ZNF696: variants seen among roughly 807,000 people sequenced by gnomAD.
The protein encoded by ZNF696 is zinc finger protein 696.
In ZNF696, 10 loss-of-function variants were observed where a neutral mutation model predicts 12.3. The ratio of observed to expected loss-of-function variants is 0.81; its 90% CI spans 0.50 to 1.38. The LOEUF (loss-of-function observed/expected upper bound fraction) is 1.38, where lower values mean the gene tolerates loss of function less well. Among genes scored for constraint, ZNF696 ranks in the 40% most tolerant of loss-of-function variants. The probability of loss-of-function intolerance (pLI) is 0.00; values close to 1 mark genes in which losing one functional copy is unlikely to be tolerated. For synonymous variants in ZNF696, 304 were observed against 243.9 expected, an observed-to-expected ratio of 1.25 and a Z score of -2.29; for missense variants, 675 against 554.7, an observed-to-expected ratio of 1.22 and a Z score of -2.18.
Position 143,298,559 on chromosome 8 carries a change from A to G in ZNF696, c.*1759A>G, listed in dbSNP as rs978596877. 6.6e-6 allele frequency among the ~76,000 whole-genome samples: 1 copy of G among 152,114 alleles called. No individual in the cohort carries two copies. The highest frequency in any genetic ancestry group is 2.4e-5 in the African/African-American group (1 of 41,432). On this transcript the variant is annotated 3_prime_UTR_variant, in exon 3 of 3. Coordinates refer to ENST00000330143, the MANE Select transcript of ZNF696 (RefSeq NM_030895.3). ...GCTTGCAAAGATCCCCAAGCACACA[A>G]GGAGAGTCAGCTGACTGAGGGCCAA...
intron 2 of ZNF696, chr8:143,295,461 G>A (rs1021859557): frequency 7.5e-6 from 5 of 666,030 alleles, no homozygotes; most frequent in African/African-American, 3.5e-5. Context: ...CTGAAAGTGC[G>A]GAGATACAGG....
At position 143,298,026 on chromosome 8, in the gene ZNF696, T is replaced by C. The variant is rs1815749310; in HGVS notation, c.*1226T>C. The C allele has an allele frequency of 6.6e-6, 1 of 152,092 alleles. No individual in the cohort carries two copies. The highest frequency in any genetic ancestry group is 1.5e-5 in the Non-Finnish European group (1 of 68,016). 9.4% of individuals were successfully genotyped at this position (152,092 alleles called of 1,614,324 possible). A position where few individuals can be genotyped will look rare whatever the true frequency, so the allele number is the denominator to read the frequency against. On this transcript the variant is annotated 3_prime_UTR_variant, in exon 3 of 3. Coordinates refer to ENST00000330143, the MANE Select transcript of ZNF696 (RefSeq NM_030895.3). Reference sequence around the variant, plus strand: ...GTAGAAGTGTCTCTTTGGGGAGCGTTTTTGGGGGCGTATAGTAAAGCTCTG... The same window carrying C: ...GTAGAAGTGTCTCTTTGGGGAGCGTCTTTGGGGGCGTATAGTAAAGCTCTG...
chr8:143,293,277 A>G, intron 2 of ZNF696: 1 of 581,604 alleles, frequency 1.7e-6, no homozygotes, highest in Non-Finnish European at 3.0e-6. Flanking sequence ...TTTTGGTTAG[A>G]AAGTCTGGCA....
chr8:143,296,420 A>G lies in ZNF696; in HGVS notation c.745A>G (p.Ser249Gly), dbSNP rs1815716202. 1 of 1,601,370 alleles carries G rather than the reference A, an allele frequency of 6.2e-7. No individual in the cohort carries two copies. ...CGAGTGCGGGAAGCGCTTCCTGCACAGCTCGAACGTGGTCCGGCACCGGCG... is the reference window on the plus strand; with the variant it reads ...CGAGTGCGGGAAGCGCTTCCTGCACGGCTCGAACGTGGTCCGGCACCGGCG... ...CGECGKRFLH[S>G]SNVVRHRRTH... The change falls in exon 3 of 3, where the codon AGC (serine) becomes GGC (glycine). Residue 249 changes from serine to glycine, a missense_variant. By Grantham distance (56) the Ser-to-Gly change is moderately conservative. Transcript: ENST00000330143.
chr8:143,295,562 TG>T, intron 2 of ZNF696, 177 bp from the exon 3 acceptor site: 2 of 689,238 alleles, frequency 2.9e-6, no homozygotes, highest in Non-Finnish European at 4.9e-6. Flanking sequence ...GTTAAGAAGG[TG>T]GGGAGGAGAA....
intron 2 of ZNF696, 114 bp from the exon 3 acceptor site, chr8:143,295,626 G>C: frequency 8.3e-7 from 1 of 1,201,332 alleles, no homozygotes. Flanking sequence ...AAAGGTGTCT[G>C]TGGCACACTG....
At position 143,295,597 on chromosome 8, in the gene ZNF696, G is replaced by A. The variant is rs538981723; in HGVS notation, c.65-143G>A. On this transcript the variant is annotated intron_variant, in intron 2 of 2. Coordinates refer to ENST00000330143, the MANE Select transcript of ZNF696 (RefSeq NM_030895.3). ...AAAAAAACTAAAAAAAACGAGGCGG[G>A]AACTGAATGGGCAAAATCAAAGGTG... 9.5e-6 allele frequency: 9 copies of A among 949,312 alleles called. No homozygotes were observed. In the Admixed American group the frequency reaches 1.8e-4, roughly 19 times the overall value. 58.8% of individuals were successfully genotyped at this position (949,312 alleles called of 1,614,324 possible). A position where few individuals can be genotyped will look rare whatever the true frequency, so the allele number is the denominator to read the frequency against.
At chr8:143,294,040 G>A (rs1349023838) in intron 2 of ZNF696, among the ~76,000 whole-genome samples, 1 of 152,138 alleles carries the variant, frequency 6.6e-6, no homozygotes, top group Non-Finnish European at 1.5e-5. Flanking sequence ...CGGACTGCCT[G>A]CAGACTGAGA....
chr8:143,295,514 G>A, intron 2 of ZNF696: 1 of 695,682 alleles, frequency 1.4e-6, no homozygotes, highest in East Asian at 2.7e-5. Context: ...TTTCTGGAGT[G>A]GCAGTGCAGG....
chr8:143,295,673 T>C (rs1815695832), intron 2 of ZNF696, 67 bp from the exon 3 acceptor site: 1 of 1,453,196 alleles, frequency 6.9e-7, no homozygotes, highest in African/African-American at 1.4e-5. Context: ...TCACCACGAT[T>C]GCCAGAGCCA....
intron 2 of ZNF696, among the ~76,000 whole-genome samples, chr8:143,294,782 A>G (rs1183844124): frequency 2.6e-5 from 4 of 152,020 alleles, no homozygotes; most frequent in South Asian, 2.1e-4. Flanking sequence ...AGGGAGTCCA[A>G]GGTAAAAGGA....
Position 143,297,481 on chromosome 8 carries a change from T to C in ZNF696, c.*681T>C, listed in dbSNP as rs1815741365. The C allele has an allele frequency of 6.6e-6, 1 of 152,182 alleles. No individual in the cohort carries two copies. Among genetic ancestry groups the C allele is most frequent in the South Asian group, 2.1e-4 (1 of 4,824 alleles). The allele number at this position is 152,182 out of a possible 1,614,324, so 9.4% of individuals were successfully genotyped here. ...TGGCCAACATGGCAAAACCCCCATC[T>C]CGACTAAAAATACAAAAAATTAATT... On this transcript the variant is annotated 3_prime_UTR_variant, in exon 3 of 3. Coordinates refer to ENST00000330143, the MANE Select transcript of ZNF696 (RefSeq NM_030895.3).
Position 143,296,275 on chromosome 8 carries a change from GCGCGTGCACACGGGCGAGAAGCCCTA to G in ZNF696, c.608_633del (p.His203ArgfsTer288). ...AGAGCTTCAACCTCCTCCGGCACCAGCGCGTGCACACGGGCGAGAAGCCCTACGCGTGCGCCGACTGCGGCAAGGCC... is the reference window on the plus strand; with the variant it reads ...AGAGCTTCAACCTCCTCCGGCACCAGCGCGTGCGCCGACTGCGGCAAGGCC... On this transcript the variant is annotated frameshift_variant, in exon 3 of 3. Transcript: ENST00000330143. LOFTEE classifies it high-confidence loss of function. 1 of 1,599,390 alleles carries G rather than the reference GCGCGTGCACACGGGCGAGAAGCCCTA, an allele frequency of 6.3e-7. No homozygotes were observed. The highest frequency in any genetic ancestry group is 8.5e-7 in the Non-Finnish European group (1 of 1,176,374).
In ZNF696 at chr8:143,295,722, G is replaced by A. The variant is rs1331685537; in HGVS notation, c.65-18G>A. ...TTCTCTTACATCTAAAATCGTTCCTGTCTGGCCTCTTTTTCAGCTGTGAAG... is the reference window on the plus strand; with the variant it reads ...TTCTCTTACATCTAAAATCGTTCCTATCTGGCCTCTTTTTCAGCTGTGAAG... On this transcript the variant is annotated intron_variant, in intron 2 of 2. Coordinates refer to ENST00000330143, the MANE Select transcript of ZNF696 (RefSeq NM_030895.3). The A allele has an allele frequency of 6.4e-7, 1 of 1,554,638 alleles. No individual in the cohort carries two copies. The highest frequency in any genetic ancestry group is 1.2e-5 in the South Asian group (1 of 83,192).
chr8:143,291,618 C>G lies in ZNF696; in HGVS notation c.-180C>G. The G allele has an allele frequency of 1.0e-6, 1 of 985,442 alleles. No homozygotes were observed. The highest frequency in any genetic ancestry group is 1.2e-6 in the Non-Finnish European group (1 of 829,934). 61.0% of individuals were successfully genotyped at this position (985,442 alleles called of 1,614,324 possible). ...GGGGAGGCGGCCCTGCAGGTGCGTACCCGGGGTCCGACACGTGCGGGGCTT... is the reference window on the plus strand; with the variant it reads ...GGGGAGGCGGCCCTGCAGGTGCGTAGCCGGGGTCCGACACGTGCGGGGCTT... On this transcript the variant is annotated 5_prime_UTR_variant, in exon 1 of 3. Coordinates refer to ENST00000330143, the MANE Select transcript of ZNF696 (RefSeq NM_030895.3).
In ZNF696 at chr8:143,291,530, G is replaced by A; in HGVS notation, c.-268G>A. The A allele has an allele frequency of 2.0e-6, 2 of 984,504 alleles. No homozygotes were observed. The highest frequency in any genetic ancestry group is 4.7e-5 in the South Asian group (1 of 21,266). 61.0% of individuals were successfully genotyped at this position (984,504 alleles called of 1,614,324 possible). ...AGAGAACGGGGCGGTCACCGCCGCC[G>A]TGGCCCGCGCGTCCCGCGCTCTCCT... is the stretch of plus-strand genomic sequence containing the variant. On this transcript the variant is annotated 5_prime_UTR_variant, in exon 1 of 3. It adds an upstream start codon to the 5' untranslated region. Coordinates refer to ENST00000330143, the MANE Select transcript of ZNF696 (RefSeq NM_030895.3).
rs925579618 is a variant in ZNF696, at chr8:143,299,452, C to T, written c.*2652C>T. ...AAGAGTGTAACCAGTCTATACATCT[C>T]TAATCCAATAAAAAGAATAAAACAC... On this transcript the variant is annotated 3_prime_UTR_variant, in exon 3 of 3. Transcript: ENST00000330143. Among the ~76,000 whole-genome samples, 1 of 152,102 alleles carries T rather than the reference C, an allele frequency of 6.6e-6. No homozygotes were observed. Among genetic ancestry groups the T allele is most frequent in the Non-Finnish European group, 1.5e-5 (1 of 67,998 alleles).
rs763590560 is a variant in ZNF696, at chr8:143,296,688, G to A, written c.1013G>A (p.Arg338Gln). 2.7e-5 allele frequency: 43 copies of A among 1,566,448 alleles called. No individual in the cohort carries two copies. The highest frequency in any genetic ancestry group is 3.5e-5 in the Non-Finnish European group (41 of 1,163,894). Reference sequence around the variant, plus strand: ...TTCCGGGCGCTGTCGGGCTTCTTCCGGCACCAGCGACTCCACACGGGCGAG... The same window carrying A: ...TTCCGGGCGCTGTCGGGCTTCTTCCAGCACCAGCGACTCCACACGGGCGAG... ...RAFRALSGFF[R>Q]HQRLHTGEKP... Residue 338 changes from arginine (R) to glutamine (Q), a missense_variant, in exon 3 of 3, where the codon CGG becomes CAG. Physicochemically the swap from Arg to Gln is conservative, Grantham distance 43. Transcript: ENST00000330143.
chr8:143,298,786 C>T lies in ZNF696; in HGVS notation c.*1986C>T, dbSNP rs191674079. Among the ~76,000 whole-genome samples, 150 of 152,286 alleles carry T rather than the reference C, an allele frequency of 9.8e-4. No individual in the cohort carries two copies. Among genetic ancestry groups the T allele is most frequent in the Middle Eastern group, 3.4e-3 (1 of 294 alleles). ...TTGGAAATGAAAAACAGGCCAGGTG[C>T]AGTGGTTCATGCCTATAATCCCAAC... On this transcript the variant is annotated 3_prime_UTR_variant, in exon 3 of 3. Transcript: ENST00000330143.
Sources: gnomAD v4.1 joint callset for allele counts (sites outside exome capture counted in the v4.1 genomes callset) on GRCh38, gnomAD v4.1.1 for gene constraint, MANE v1.5 for transcripts, NCBI Gene and HGNC (gene_info 2026-07-23, HGNC 2026-07-21) for gene names.